Variants in CDK13 observed in about 807,000 individuals in gnomAD.
The protein encoded by CDK13 is cyclin-dependent kinase 13.
A neutral mutation model predicts 137.6 loss-of-function variants in CDK13; 40 were observed. The ratio of observed to expected loss-of-function variants is 0.29; its 90% confidence interval spans 0.23 to 0.38. The LOEUF is 0.38. Ranked by LOEUF, CDK13 falls within the 10% of genes least tolerant of loss-of-function variation. The pLI is 1.00. For synonymous variants in CDK13, 869 were observed against 760.1 expected (o/e 1.14, Z -2.36); for missense variants, 1,704 against 1,951.8 (o/e 0.87, Z 2.39).
At chr7:40,034,453 AT>A (rs369847421) in intron 5 of CDK13, among the ~76,000 whole-genome samples, 134 of 152,086 alleles carry the variant, frequency 8.8e-4, no homozygotes, top group Non-Finnish European at 1.5e-3. Context: ...TGCAGGGCTA[AT>A]TTTTTTTCTA....
At chr7:39,966,110 C>T (rs2116160954) in intron 1 of CDK13, among the ~76,000 whole-genome samples, 1 of 152,274 alleles carries the variant, frequency 6.6e-6, no homozygotes. Flanking sequence ...AGTAGCTCTT[C>T]TCGAGGAGCA....
chr7:39,971,547 C>A (rs919561070), intron 1 of CDK13, among the ~76,000 whole-genome samples: 1 of 151,208 alleles, frequency 6.6e-6, no homozygotes, highest in Admixed American at 6.6e-5. Flanking sequence ...AAAAAAAACA[C>A]TTTGTATTTT....
Position 39,987,858 on chromosome 7 carries a change from A to G in CDK13, c.1471A>G (p.Asn491Asp), listed in dbSNP as rs1266205541. The change falls in exon 2 of 14, where the codon AAC (asparagine) becomes GAC (aspartate). Residue 491 changes from asparagine (N) to aspartate (D), a missense_variant. Asn to Asp is a conservative substitution (Grantham distance 23). Transcript: ENST00000181839. ...TGCTGCCAAGGCTGCAAAAGCTTCA[A>G]ACACTTCTACACCTACCAAGGGGAA... ...EAAAKAAKAS[N>D]TSTPTKGNTE... 3 of 1,614,116 alleles carry G rather than the reference A, an allele frequency of 1.9e-6. No homozygotes were observed. In the African/African-American group the frequency reaches 4.0e-5, roughly 22 times the overall value.
intron 11 of CDK13, among the ~76,000 whole-genome samples, chr7:40,087,707 C>A (rs1213244179): frequency 6.6e-6 from 1 of 151,990 alleles, no homozygotes; most frequent in Non-Finnish European, 1.5e-5. Context: ...CGCCACCACG[C>A]CTGGCTAATT....
At chr7:39,976,158 GT>G in intron 1 of CDK13, among the ~76,000 whole-genome samples, 1 of 152,092 alleles carries the variant, frequency 6.6e-6, no homozygotes, top group South Asian at 2.1e-4. Context: ...GCTGGGTGTA[GT>G]GGTGGGTGCC....
At chr7:39,951,937 A>G in intron 1 of CDK13, 85 bp downstream of exon 1, 1 of 1,270,148 alleles carries the variant, frequency 7.9e-7, no homozygotes, top group Non-Finnish European at 1.0e-6. Flanking sequence ...CCGGGTCCTC[A>G]GAACGACTCA....
intron 1 of CDK13, among the ~76,000 whole-genome samples, chr7:39,970,804 T>G (rs1188517171): frequency 1.3e-5 from 2 of 152,218 alleles, no homozygotes; most frequent in African/African-American, 4.8e-5. Context: ...GTATGTGTGT[T>G]AAATACAGAC....
chr7:39,964,312 A>T (rs1265658817), intron 1 of CDK13, among the ~76,000 whole-genome samples: 1 of 152,186 alleles, frequency 6.6e-6, no homozygotes, highest in Admixed American at 6.5e-5. Context: ...TTATTGGTCT[A>T]TTCAGATATT....
intron 1 of CDK13, among the ~76,000 whole-genome samples, chr7:39,978,375 C>T (rs1784152369): frequency 6.6e-6 from 1 of 151,974 alleles, no homozygotes; most frequent in Non-Finnish European, 1.5e-5. Flanking sequence ...AAAGGTAGGT[C>T]ATTGGTTGCT....
chr7:39,982,658 C>T (rs1583942107), intron 1 of CDK13, among the ~76,000 whole-genome samples: 1 of 152,172 alleles, frequency 6.6e-6, no homozygotes, highest in Admixed American at 6.5e-5. Flanking sequence ...CCTATTTCTC[C>T]ACATCCTCTC....
intron 1 of CDK13, among the ~76,000 whole-genome samples, chr7:39,961,499 T>C (rs577569289): frequency 4.6e-4 from 70 of 152,182 alleles, no homozygotes; most frequent in Admixed American, 9.2e-4. Flanking sequence ...TCCCTTTCCC[T>C]ATACACTCCT....
intron 4 of CDK13, among the ~76,000 whole-genome samples, chr7:40,000,991 T>G (rs1327780462): frequency 2.6e-5 from 4 of 152,156 alleles, no homozygotes; most frequent in African/African-American, 9.7e-5. Context: ...GAAGAACATA[T>G]ATTTTTGAGA....
At chr7:40,010,470 G>A (rs1784871999) in intron 5 of CDK13, among the ~76,000 whole-genome samples, 2 of 152,078 alleles carry the variant, frequency 1.3e-5, no homozygotes, top group Admixed American at 1.3e-4. Context: ...GATCACTTGA[G>A]GTCAGGAATT....
At chr7:40,031,588 C>CT (rs2150505251) in intron 5 of CDK13, among the ~76,000 whole-genome samples, 1 of 152,208 alleles carries the variant, frequency 6.6e-6, no homozygotes, top group African/African-American at 2.4e-5. Flanking sequence ...GGTATATCAT[C>CT]TTTGGTGAGA....
rs34624759 is a variant in CDK13 at position 39,987,867 on chromosome 7, A to G, written c.1480A>G (p.Thr494Ala). The G allele has an allele frequency of 1.2e-4, 201 of 1,614,126 alleles. No homozygotes were observed. Among genetic ancestry groups the G allele is most frequent in the Middle Eastern group, 1.6e-4 (1 of 6,084 alleles). Residue 494 changes from threonine (T) to alanine (A), a missense_variant, in exon 2 of 14, where the codon ACA (threonine) becomes GCA (alanine). Physicochemically the swap from Thr to Ala is moderately conservative, Grantham distance 58. This residue lies in a region of CDK13 where 1,051 missense variants were observed against 931.0 expected (regional missense o/e 1.13). Transcript: ENST00000181839. ...GGCTGCAAAAGCTTCAAACACTTCTACACCTACCAAGGGGAACACGGAAAC... is the reference window on the plus strand; with the variant it reads ...GGCTGCAAAAGCTTCAAACACTTCTGCACCTACCAAGGGGAACACGGAAAC... ...AKAAKASNTS[T>A]PTKGNTETSA...
chr7:40,035,164 A>T (rs1235792700), intron 5 of CDK13, among the ~76,000 whole-genome samples: 1 of 152,220 alleles, frequency 6.6e-6, no homozygotes, highest in African/African-American at 2.4e-5. Flanking sequence ...GGCATGTTAT[A>T]GTTCCACAAC....
intron 11 of CDK13, among the ~76,000 whole-genome samples, chr7:40,083,335 A>G (rs1786713321): frequency 1.3e-5 from 2 of 151,542 alleles, no homozygotes; most frequent in African/African-American, 2.4e-5. Context: ...ATGAAGAATT[A>G]GAGATCACAT....
At chr7:40,046,085 GAGAAT>G in intron 6 of CDK13, 60 bp downstream of exon 6, 1 of 1,044,378 alleles carries the variant, frequency 9.6e-7, no homozygotes, top group South Asian at 1.5e-5. Context: ...TGTACATGGA[GAGAAT>G]AGACTGGAAA....
At chr7:39,959,694 A>C (rs1787547509) in intron 1 of CDK13, among the ~76,000 whole-genome samples, 1 of 151,986 alleles carries the variant, frequency 6.6e-6, no homozygotes, top group Non-Finnish European at 1.5e-5. Flanking sequence ...CGAACTCTTG[A>C]GCTCAAGCAG....
Sources: allele counts gnomAD v4.1 joint callset (sites outside exome capture counted in the v4.1 genomes callset), GRCh38; gene constraint gnomAD v4.1.1; regional missense constraint gnomAD v4.1.1; transcripts MANE v1.5; gene names NCBI Gene and HGNC (gene_info 2026-07-23, HGNC 2026-07-21).